TSPAN32: variants seen among roughly 807,000 people sequenced by gnomAD.
The protein encoded by TSPAN32 is tetraspanin 32.
In TSPAN32, 47 loss-of-function variants were observed where a neutral mutation model predicts 42.7. The ratio of observed to expected loss-of-function variants is 1.10; its 90% CI spans 0.87 to 1.40. The LOEUF is 1.40. Among genes scored for constraint, TSPAN32 ranks in the 40% most tolerant of loss-of-function variants. The probability of loss-of-function intolerance (pLI) is 0.00; values close to 1 mark genes in which losing one functional copy is unlikely to be tolerated. For synonymous variants in TSPAN32, 175 were observed against 175.9 expected (o/e 0.99, Z 0.04); for missense variants, 469 against 424.1 (o/e 1.11, Z -0.93).
intron 1 of TSPAN32, among the ~76,000 whole-genome samples, chr11:2,302,552 G>A (rs1488567250): frequency 6.6e-6 from 1 of 152,222 alleles, no homozygotes; most frequent in Admixed American, 6.5e-5. Flanking sequence ...TGGCACAGGG[G>A]TGGGGCTCAC....
chr11:2,307,518 A>G (rs541318495), intron 3 of TSPAN32, among the ~76,000 whole-genome samples: 1 of 152,054 alleles, frequency 6.6e-6, no homozygotes, highest in East Asian at 2.0e-4. Context: ...CACCAGCATG[A>G]AGGCAAAGGC....
At chr11:2,312,597 A>T (rs1433235075) in intron 4 of TSPAN32, among the ~76,000 whole-genome samples, 2 of 152,082 alleles carry the variant, frequency 1.3e-5, no homozygotes, top group Non-Finnish European at 2.9e-5. Flanking sequence ...GCTGACCGAG[A>T]GCCTCCACTG....
chr11:2,316,759 C>G (rs1297789514), intron 8 of TSPAN32, 92 bp downstream of exon 8: 27 of 1,364,730 alleles, frequency 2.0e-5, no homozygotes, highest in Non-Finnish European at 2.5e-5. Flanking sequence ...GGAGGGAGCC[C>G]CGGGACCAAG....
intron 3 of TSPAN32, among the ~76,000 whole-genome samples, chr11:2,308,183 C>T (rs1355179000): frequency 6.6e-6 from 1 of 152,104 alleles, no homozygotes; most frequent in Non-Finnish European, 1.5e-5. Context: ...GATGAATTCC[C>T]AAAAAGCGCA....
In TSPAN32 at chr11:2,317,657, C is replaced by T; in HGVS notation, c.901+132C>T. The T allele has an allele frequency of 6.8e-7, 1 of 1,477,688 alleles. No individual in the cohort carries two copies. Among genetic ancestry groups the T allele is most frequent in the Non-Finnish European group, 8.9e-7 (1 of 1,121,314 alleles). The allele number at this position is 1,477,688 out of a possible 1,614,324, so 91.5% of individuals were successfully genotyped here. A position where few individuals can be genotyped will look rare whatever the true frequency, so the allele number is the denominator to read the frequency against. ...GAACAGATGCAAGGGTAAGGGGTAG[C>T]TCACCAAATCCCTCCATGGGAACGG... On this transcript the variant is annotated intron_variant, in intron 9 of 9. Coordinates refer to ENST00000182290, the MANE Select transcript of TSPAN32 (RefSeq NM_139022.3). This position sits in a 1 kb window ranked among gnomAD's most constrained non-coding sequence, Gnocchi z 6.2.
In TSPAN32 at chr11:2,313,309, TC is replaced by T. The variant is rs1234271760; in HGVS notation, c.355-344del. On this transcript the variant is annotated intron_variant, in intron 4 of 9. Coordinates refer to ENST00000182290, the MANE Select transcript of TSPAN32 (RefSeq NM_139022.3). The surrounding 1 kb of genome is among the most constrained non-coding windows in gnomAD (Gnocchi z 9.1). ...CCCAGCCCCATCCCCCATTTCCGGGTCAACAGTAGCGTGCTGGAAACTTCTG... is the reference window on the plus strand; with the variant it reads ...CCCAGCCCCATCCCCCATTTCCGGGTAACAGTAGCGTGCTGGAAACTTCTG... 6.6e-6 allele frequency among the ~76,000 whole-genome samples: 1 copy of T among 152,064 alleles called. No individual in the cohort carries two copies. The highest frequency in any genetic ancestry group is 1.5e-5 in the Non-Finnish European group (1 of 68,006).
At chr11:2,314,986 C>T (rs547790005) in intron 6 of TSPAN32, 3 of 289,748 alleles carry the variant, frequency 1.0e-5, no homozygotes, top group East Asian at 2.4e-4. Context: ...AGGGTGCAGG[C>T]GTCCTGGGGG....
At position 2,313,905 on chromosome 11, in the gene TSPAN32, C is replaced by A. The variant is rs566333755; in HGVS notation, c.456+150C>A. The A allele has an allele frequency of 1.6e-4, 107 of 652,966 alleles. 1 individual carries two copies. The highest frequency in any genetic ancestry group is 1.4e-3 in the South Asian group (74 of 51,180). The allele number at this position is 652,966 out of a possible 1,614,324, so 40.4% of individuals were successfully genotyped here. On this transcript the variant is annotated intron_variant, in intron 5 of 9. Coordinates refer to ENST00000182290, the MANE Select transcript of TSPAN32 (RefSeq NM_139022.3). The surrounding 1 kb of genome is among the most constrained non-coding windows in gnomAD (Gnocchi z 9.1). ...CAGAGTTGCCCCTCAGGGCTGGGGG[C>A]AAAAAGCTCCCACCCTCTGTCTGCC... is the stretch of plus-strand genomic sequence containing the variant.
chr11:2,316,329 C>A lies in TSPAN32; in HGVS notation c.627+17C>A. 1 of 1,582,666 alleles carries A rather than the reference C, an allele frequency of 6.3e-7. No individual in the cohort carries two copies. ...GCCCTCACGGTACCCTCTCGCCTCC[C>A]TCACTGCCCCTTCCCACCTCCTGCC... On this transcript the variant is annotated intron_variant, in intron 7 of 9. Transcript: ENST00000182290.
intron 3 of TSPAN32, among the ~76,000 whole-genome samples, chr11:2,307,141 G>A (rs996728455): frequency 2.0e-5 from 3 of 152,120 alleles, no homozygotes; most frequent in Non-Finnish European, 2.9e-5. Context: ...ATGAGGAGCC[G>A]CCAGCGCCCT....
intron 5 of TSPAN32, among the ~76,000 whole-genome samples, chr11:2,314,224 A>G (rs910671044): frequency 6.6e-6 from 1 of 151,976 alleles, no homozygotes; most frequent in African/African-American, 2.4e-5. Context: ...CCCTGTGAAC[A>G]GGGCGGGGAA....
rs1296834170 is a variant in TSPAN32 at position 2,313,798 on chromosome 11, C to G, written c.456+43C>G. On this transcript the variant is annotated intron_variant, in intron 5 of 9. Coordinates refer to ENST00000182290, the MANE Select transcript of TSPAN32 (RefSeq NM_139022.3). The surrounding 1 kb of genome is among the most constrained non-coding windows in gnomAD (Gnocchi z 9.1). ...TGGGTGGCAGGGCGGTCAGCTTCTG[C>G]TTGGACTGCAGTTCAGAGAACAGGC... The G allele has an allele frequency of 6.8e-7, 1 of 1,470,040 alleles. No individual in the cohort carries two copies. The highest frequency in any genetic ancestry group is 1.4e-5 in the African/African-American group (1 of 71,936). The allele number at this position is 1,470,040 out of a possible 1,614,324, so 91.1% of individuals were successfully genotyped here.
Position 2,313,708 on chromosome 11 carries a change from G to C in TSPAN32, c.409G>C (p.Gly137Arg). 6.2e-7 allele frequency: 1 copy of C among 1,608,766 alleles called. No individual in the cohort carries two copies. Among genetic ancestry groups the C allele is most frequent in the Non-Finnish European group, 8.5e-7 (1 of 1,178,408 alleles). Reference protein sequence around the residue: ...YDLVYEQAMKGTSHVRRQELA... With the variant: ...YDLVYEQAMKRTSHVRRQELA... ...CCTGGTATATGAGCAGGCGATGAAA[G>C]GTACGTCCCACGTCCGGCGGCAGGA... is the stretch of plus-strand genomic sequence containing the variant. Residue 137 changes from glycine to arginine, a missense_variant, in exon 5 of 10, where the codon GGT becomes CGT. Physicochemically the swap from Gly to Arg is moderately radical, Grantham distance 125. Coordinates refer to ENST00000182290, the MANE Select transcript of TSPAN32 (RefSeq NM_139022.3). The surrounding 1 kb of genome is among the most constrained non-coding windows in gnomAD (Gnocchi z 9.1).
rs149964124 is a variant in TSPAN32, at chr11:2,309,635, G to A, written c.354+825G>A. On this transcript the variant is annotated intron_variant, in intron 4 of 9. Transcript: ENST00000182290. ...TGGAGCCCTAGCTGGAGTCCTAGTG[G>A]CCTCGTGTATTCAAGTGCCTGGTTG... is the stretch of plus-strand genomic sequence containing the variant. The A allele has an allele frequency of 8.2e-3, 2,365 of 289,390 alleles. 20 individuals are homozygous for A. The highest frequency in any genetic ancestry group is 0.014 in the Non-Finnish European group (1,934 of 138,460). 17.9% of individuals were successfully genotyped at this position (289,390 alleles called of 1,614,324 possible). A position where few individuals can be genotyped will look rare whatever the true frequency, so the allele number is the denominator to read the frequency against.
At position 2,313,871 on chromosome 11, in the gene TSPAN32, G is replaced by T. The variant is rs551209474; in HGVS notation, c.456+116G>T. 8.5e-4 allele frequency: 718 copies of T among 845,716 alleles called. 3 individuals are homozygous for T. In the African/African-American group the frequency reaches 0.01, roughly 12 times the overall value. The allele number at this position is 845,716 out of a possible 1,614,324, so 52.4% of individuals were successfully genotyped here. On this transcript the variant is annotated intron_variant, in intron 5 of 9. Transcript: ENST00000182290. This position sits in a 1 kb window ranked among gnomAD's most constrained non-coding sequence, Gnocchi z 9.1. ...TGGCCAGGCACCGAGGGGGTTCCAGGACACAGGCCAGAGTTGCCCCTCAGG... is the reference window on the plus strand; with the variant it reads ...TGGCCAGGCACCGAGGGGGTTCCAGTACACAGGCCAGAGTTGCCCCTCAGG...
At chr11:2,311,157 G>A (rs143337579) in intron 4 of TSPAN32, among the ~76,000 whole-genome samples, 90 of 152,292 alleles carry the variant, frequency 5.9e-4, no homozygotes, top group Non-Finnish European at 1.2e-3. Context: ...GTGCCCCTGC[G>A]GATGGGAAGG....
chr11:2,315,032 G>GCC, intron 6 of TSPAN32: 1 of 280,608 alleles, frequency 3.6e-6, no homozygotes, highest in Non-Finnish European at 6.5e-6. Context: ...CAGAGGAGAA[G>GCC]AAGTAGGCCA....
chr11:2,307,374 C>A lies in TSPAN32; in HGVS notation c.280-1362C>A, dbSNP rs546918606. Among the ~76,000 whole-genome samples the A allele has an allele frequency of 7.4e-4, 113 of 152,344 alleles. 1 individual carries two copies. Among genetic ancestry groups the A allele is most frequent in the African/African-American group, 2.6e-3 (107 of 41,578 alleles). Reference sequence around the variant, plus strand: ...GTTTGAAGGGCCCAGACCCAACCTGCTCCAGCCTGTGGACCACCCAGGCGG... The same window carrying A: ...GTTTGAAGGGCCCAGACCCAACCTGATCCAGCCTGTGGACCACCCAGGCGG... On this transcript the variant is annotated intron_variant, in intron 3 of 9. Transcript: ENST00000182290.
At chr11:2,306,272 C>T (rs1848081605) in intron 3 of TSPAN32, among the ~76,000 whole-genome samples, 1 of 152,164 alleles carries the variant, frequency 6.6e-6, no homozygotes, top group Non-Finnish European at 1.5e-5. Context: ...CTGCCTGCCC[C>T]CACCCCTCCG....
Sources: gnomAD v4.1 joint callset for allele counts (sites outside exome capture counted in the v4.1 genomes callset) on GRCh38, gnomAD v4.1.1 for gene constraint, Gnocchi (gnomAD v3.1) non-coding constraint, MANE v1.5 for transcripts, NCBI Gene and HGNC (gene_info 2026-07-23, HGNC 2026-07-21) for gene names.